The following RYR2 variants were observed in gnomAD, a reference collection of about 807,000 sequenced individuals.
The protein encoded by RYR2 is ryanodine receptor 2.
RYR2 carries 227 observed loss-of-function variants against 601.1 expected under a neutral mutation model. The ratio of observed to expected loss-of-function variants is 0.38; its 90% confidence interval spans 0.34 to 0.42. The LOEUF is 0.42. RYR2 is among the 10% of genes least tolerant of loss of function. The pLI is 1.00. For missense variants in RYR2, 4,646 were observed against 6,156.5 expected, an observed-to-expected ratio of 0.75 and a Z score of 8.21; for synonymous variants, 2,223 against 2,175.1, an observed-to-expected ratio of 1.02 and a Z score of -0.61.
intron 14 of RYR2, 35 bp downstream of exon 14, chr1:237,445,557 CTTCATT>C (rs754646592): frequency 6.2e-6 from 10 of 1,609,622 alleles, no homozygotes; most frequent in Admixed American, 1.7e-5. Context: ...TTGTTTGATA[CTTCATT>C]TTCATTTCTT....
intron 36 of RYR2, among the ~76,000 whole-genome samples, chr1:237,612,101 A>G (rs1677943115): frequency 6.6e-6 from 1 of 152,204 alleles, no homozygotes; most frequent in Non-Finnish European, 1.5e-5. Context: ...TGATTGAAGT[A>G]CTGATATATG....
At chr1:237,190,152 G>T (rs1180307962) in intron 1 of RYR2, among the ~76,000 whole-genome samples, 1 of 152,130 alleles carries the variant, frequency 6.6e-6, no homozygotes, top group African/African-American at 2.4e-5. Context: ...GCCTCCCAAA[G>T]TGCTGGGATA....
rs1221865418 is a variant in RYR2, at chr1:237,474,302, CACACACAT to C, written c.1708+5119_1708+5126del. Among the ~76,000 whole-genome samples the C allele has an allele frequency of 1.0e-4, 14 of 136,418 alleles. No homozygotes were observed. The East Asian group carries it at 2.0e-3, about 19-fold the overall frequency. The allele number at this position is 136,418 out of a possible 152,430, so 89.5% of individuals were successfully genotyped here. A position where few individuals can be genotyped will look rare whatever the true frequency, so the allele number is the denominator to read the frequency against. On this transcript the variant is annotated intron_variant, in intron 17 of 104. Coordinates refer to ENST00000366574, the MANE Select transcript of RYR2 (RefSeq NM_001035.3). ...ACACACACATATATATATATACACA[CACACACAT>C]ACATACATATGTACATGCATACCCC...
rs567603294 is a variant in RYR2, at chr1:237,686,234, A to C, written c.9018-1221A>C. Among the ~76,000 whole-genome samples, 6 of 152,310 alleles carry C rather than the reference A, an allele frequency of 3.9e-5. No homozygotes were observed. The East Asian group carries it at 1.2e-3, about 29-fold the overall frequency. ...AATCAAGCTGAGTGTGGGTGGTACTATACACATGGATCTTCAAGGTTAGAT... is the reference window on the plus strand; with the variant it reads ...AATCAAGCTGAGTGTGGGTGGTACTCTACACATGGATCTTCAAGGTTAGAT... On this transcript the variant is annotated intron_variant, in intron 62 of 104. Transcript: ENST00000366574.
At chr1:237,596,135 C>T (rs557749487) in intron 34 of RYR2, among the ~76,000 whole-genome samples, 1 of 152,218 alleles carries the variant, frequency 6.6e-6, no homozygotes, top group South Asian at 2.1e-4. Context: ...ACACAAGAAA[C>T]ACGCGAATGG....
chr1:237,441,493 T>A lies in RYR2; in HGVS notation c.1170+10T>A. On this transcript the variant is annotated intron_variant, in intron 13 of 104. Transcript: ENST00000366574. ...ATCTATACAACGTAAGGTAAGGTGA[T>A]AGAAAAAAACATAATTTATAGAAGT... is the stretch of plus-strand genomic sequence containing the variant. The A allele has an allele frequency of 6.9e-7, 1 of 1,452,012 alleles. No individual in the cohort carries two copies. Among genetic ancestry groups the A allele is most frequent in the Admixed American group, 2.4e-5 (1 of 42,430 alleles). The allele number at this position is 1,452,012 out of a possible 1,614,324, so 89.9% of individuals were successfully genotyped here.
intron 1 of RYR2, among the ~76,000 whole-genome samples, chr1:237,263,230 G>A (rs188235020): frequency 6.6e-6 from 1 of 152,130 alleles, no homozygotes; most frequent in Admixed American, 6.6e-5. Context: ...AATTAAATAA[G>A]ATCTTACCTT....
intron 1 of RYR2, among the ~76,000 whole-genome samples, chr1:237,171,267 A>C (rs1011662278): frequency 6.6e-6 from 1 of 152,174 alleles, no homozygotes; most frequent in East Asian, 1.9e-4. Context: ...CCATTAAAAA[A>C]AAATATTTAA....
chr1:237,396,352 A>G (rs751860465), intron 10 of RYR2, among the ~76,000 whole-genome samples: 6 of 152,234 alleles, frequency 3.9e-5, no homozygotes, highest in Admixed American at 1.3e-4. Context: ...CTCTGGACCA[A>G]TAGAATAGGA....
intron 2 of RYR2, among the ~76,000 whole-genome samples, chr1:237,282,266 C>G (rs1278230081): frequency 1.3e-5 from 2 of 151,602 alleles, no homozygotes; most frequent in Non-Finnish European, 2.9e-5. Flanking sequence ...TCAGCTTGGA[C>G]ATTGCAGTGT....
rs867859233 is a variant in RYR2, at chr1:237,279,239, G to A, written c.168+8623G>A. Among the ~76,000 whole-genome samples, 4 of 152,056 alleles carry A rather than the reference G, an allele frequency of 2.6e-5. No homozygotes were observed. The South Asian group carries it at 6.2e-4, about 24-fold the overall frequency. ...TATTTGGCTTGACAGTTTCACTGGG[G>A]ACTAATTTATTTGGCTTTTCATGTT... On this transcript the variant is annotated intron_variant, in intron 2 of 104. Coordinates refer to ENST00000366574, the MANE Select transcript of RYR2 (RefSeq NM_001035.3).
Position 237,469,286 on chromosome 1 carries a change from T to C in RYR2, c.1708+99T>C, listed in dbSNP as rs538548303. On this transcript the variant is annotated intron_variant, in intron 17 of 104. Transcript: ENST00000366574. ...AAAAAAAAAAAAAAAAAAACAACTT[T>C]GAGTGAGGTGTGGTGGTGTGTACTG... 1.9e-4 allele frequency: 112 copies of C among 598,218 alleles called. No homozygotes were observed. In the African/African-American group the frequency reaches 2.2e-3, roughly 12 times the overall value. 37.1% of individuals were successfully genotyped at this position (598,218 alleles called of 1,614,324 possible). A position where few individuals can be genotyped will look rare whatever the true frequency, so the allele number is the denominator to read the frequency against.
chr1:237,819,334 C>T lies in RYR2; in HGVS notation c.14590+142C>T, dbSNP rs907120187. 1 of 756,934 alleles carries T rather than the reference C, an allele frequency of 1.3e-6. No homozygotes were observed. Among genetic ancestry groups the T allele is most frequent in the Non-Finnish European group, 2.2e-6 (1 of 453,258 alleles). The allele number at this position is 756,934 out of a possible 1,614,324, so 46.9% of individuals were successfully genotyped here. A position where few individuals can be genotyped will look rare whatever the true frequency, so the allele number is the denominator to read the frequency against. ...ACTTTTCCTTCCAGTATTTCTTCAT[C>T]ATGCAATCTACCGGGGGAAATATAA... On this transcript the variant is annotated intron_variant, in intron 101 of 104. Transcript: ENST00000366574. This position sits in a 1 kb window ranked among gnomAD's most constrained non-coding sequence, Gnocchi z 4.0.
intron 27 of RYR2, among the ~76,000 whole-genome samples, chr1:237,559,800 T>G (rs145617310): frequency 2.3e-4 from 35 of 152,314 alleles, no homozygotes; most frequent in African/African-American, 8.2e-4. Context: ...TATTTCAGAT[T>G]TTGTTGTTGT....
intron 14 of RYR2, among the ~76,000 whole-genome samples, chr1:237,449,794 T>C (rs897389402): frequency 6.6e-6 from 1 of 152,004 alleles, no homozygotes; most frequent in African/African-American, 2.4e-5. Context: ...TTTTACTCCC[T>C]ATTGATGATT....
At chr1:237,594,886 G>GTTTTTTTTGTTTT (rs1675642723) in intron 33 of RYR2, among the ~76,000 whole-genome samples, 8 of 60,418 alleles carry the variant, frequency 1.3e-4, no homozygotes, top group East Asian at 9.0e-4. Context: ...ATATCACTGG[G>GTTTTTTTTGTTTT]TTTTTTTTTT....
At chr1:237,172,832 C>T (rs755434406) in intron 1 of RYR2, among the ~76,000 whole-genome samples, 5 of 152,124 alleles carry the variant, frequency 3.3e-5, no homozygotes, top group Non-Finnish European at 5.9e-5. Context: ...CTCAGGTTTT[C>T]CTGTCTCTGG....
intron 72 of RYR2, among the ~76,000 whole-genome samples, chr1:237,717,581 A>T (rs1219375579): frequency 3.3e-5 from 5 of 152,208 alleles, no homozygotes; most frequent in Non-Finnish European, 7.3e-5. Flanking sequence ...CCTCCGGGAC[A>T]CATTCAAGAA....
chr1:237,463,895 G>T (rs1261120302), intron 16 of RYR2, among the ~76,000 whole-genome samples: 7 of 152,058 alleles, frequency 4.6e-5, no homozygotes, highest in Admixed American at 4.6e-4. Context: ...TTTTGGAAAG[G>T]CATTAACTTT....
Sources: allele counts gnomAD v4.1 joint callset (sites outside exome capture counted in the v4.1 genomes callset), GRCh38; gene constraint gnomAD v4.1.1; non-coding constraint Gnocchi (gnomAD v3.1); transcripts MANE v1.5; gene names NCBI Gene and HGNC (gene_info 2026-07-23, HGNC 2026-07-21).